DAW1: variants seen among roughly 807,000 people sequenced by gnomAD.
The protein encoded by DAW1 is dynein assembly factor with WD repeat domains 1.
A neutral mutation model predicts 56.5 loss-of-function variants in DAW1; 47 were observed. The observed-to-expected ratio is 0.83, with a 90% confidence interval of 0.66 to 1.06. DAW1 has a LOEUF of 1.06. DAW1 is among the 50% of genes least tolerant of loss of function. DAW1 has a pLI of 0.00. For missense variants in DAW1, 505 were observed against 499.3 expected, an observed-to-expected ratio of 1.01 and a Z score of -0.11; for synonymous variants, 190 against 179.0, an observed-to-expected ratio of 1.06 and a Z score of -0.49.
At chr2:227,876,575 C>T in intron 1 of DAW1, 1 of 1,157,062 alleles carries the variant, frequency 8.6e-7, no homozygotes, top group Non-Finnish European at 1.1e-6. Flanking sequence ...ATCCCTTCTG[C>T]ATATAGAGCA....
At chr2:227,911,482 G>C (rs1269007896) in intron 10 of DAW1, among the ~76,000 whole-genome samples, 1 of 151,070 alleles carries the variant, frequency 6.6e-6, no homozygotes, top group Non-Finnish European at 1.5e-5. Flanking sequence ...GACATACTGT[G>C]TGTTTGCTGC....
chr2:227,883,082 T>A (rs935889813), intron 1 of DAW1, among the ~76,000 whole-genome samples: 26 of 152,336 alleles, frequency 1.7e-4, no homozygotes, highest in African/African-American at 6.0e-4. Flanking sequence ...CATTTTTACT[T>A]GAAAGAGTGA....
intron 12 of DAW1, among the ~76,000 whole-genome samples, chr2:227,922,720 G>C (rs1421483223): frequency 6.6e-6 from 1 of 152,182 alleles, no homozygotes; most frequent in Non-Finnish European, 1.5e-5. Flanking sequence ...CTTAATGATG[G>C]ACAGTTTCCG....
At chr2:227,900,003 A>G (rs1248315503) in intron 6 of DAW1, among the ~76,000 whole-genome samples, 2 of 152,246 alleles carry the variant, frequency 1.3e-5, no homozygotes, top group Admixed American at 1.3e-4. Context: ...ATATTCATCC[A>G]TAAAGAACTC....
chr2:227,906,018 G>A (rs1262155033), intron 8 of DAW1, among the ~76,000 whole-genome samples: 2 of 152,180 alleles, frequency 1.3e-5, no homozygotes, highest in Non-Finnish European at 1.5e-5. Context: ...GCCTCACAGA[G>A]TGCTGGGGTT....
Position 227,913,824 on chromosome 2 carries a change from G to A in DAW1, c.974-4956G>A, listed in dbSNP as rs569699786. ...TCTCTGTCATCTCCCTGATCATCAT[G>A]TATGACATTACAACATGTCTACACC... On this transcript the variant is annotated intron_variant, in intron 10 of 12. Coordinates refer to ENST00000309931, the MANE Select transcript of DAW1 (RefSeq NM_178821.3). Among the ~76,000 whole-genome samples the A allele has an allele frequency of 2.6e-5, 4 of 151,904 alleles. 1 individual carries two copies. Among genetic ancestry groups the A allele is most frequent in the African/African-American group, 7.2e-5 (3 of 41,424 alleles).
chr2:227,923,758 A>G (rs1692161807), intron 12 of DAW1, among the ~76,000 whole-genome samples, 176 bp from the exon 13 acceptor site: 1 of 151,756 alleles, frequency 6.6e-6, no homozygotes, highest in Non-Finnish European at 1.5e-5. Flanking sequence ...AAAAAAAAAA[A>G]TCACTACTTT....
chr2:227,901,171 G>T (rs942030815), intron 6 of DAW1, among the ~76,000 whole-genome samples: 3 of 152,206 alleles, frequency 2.0e-5, no homozygotes, highest in African/African-American at 7.2e-5. Context: ...TGTAAAGATA[G>T]ATGAAGAGAA....
At chr2:227,886,318 G>A (rs995445355) in intron 2 of DAW1, among the ~76,000 whole-genome samples, 1 of 152,142 alleles carries the variant, frequency 6.6e-6, no homozygotes, top group African/African-American at 2.4e-5. Flanking sequence ...ATTCTCTTTA[G>A]TAAATCTAAT....
intron 1 of DAW1, among the ~76,000 whole-genome samples, chr2:227,874,702 T>C (rs1690836857): frequency 6.6e-6 from 1 of 152,166 alleles, no homozygotes; most frequent in Non-Finnish European, 1.5e-5. Context: ...TCATACACTA[T>C]GCAATCTCAT....
Position 227,891,304 on chromosome 2 carries a change from C to A in DAW1, c.308C>A (p.Ser103Ter), listed in dbSNP as rs199504696. 3.7e-6 allele frequency: 6 copies of A among 1,613,030 alleles called. No homozygotes were observed. Among genetic ancestry groups the A allele is most frequent in the Non-Finnish European group, 4.2e-6 (5 of 1,179,630 alleles). ...CTGACTAATGTTGCACTTAACAAAT[C>A]GGGCTCATGGTAAGATTCTCTTTTT... ...LPLTNVALNKSGSCFITGSYD... is the reference protein window; with the variant it reads ...LPLTNVALNK Residue 103 changes from serine to a stop codon, truncating the protein, a stop_gained, in exon 4 of 13, where the codon TCG becomes TAG. Coordinates refer to ENST00000309931, the MANE Select transcript of DAW1 (RefSeq NM_178821.3). LOFTEE classifies it high-confidence loss of function.
At position 227,923,789 on chromosome 2, in the gene DAW1, G is replaced by C. The variant is rs989810144; in HGVS notation, c.1214-145G>C. On this transcript the variant is annotated intron_variant, in intron 12 of 12. Coordinates refer to ENST00000309931, the MANE Select transcript of DAW1 (RefSeq NM_178821.3). ...ACTTTAAAAATGCCTGAGCTGCTCA[G>C]AGACTCTGCAGCTAGGCGCGGAGAA... 20 of 884,208 alleles carry C rather than the reference G, an allele frequency of 2.3e-5. No homozygotes were observed. In the South Asian group the frequency reaches 3.0e-4, roughly 13 times the overall value. The allele number at this position is 884,208 out of a possible 1,614,324, so 54.8% of individuals were successfully genotyped here.
chr2:227,911,935 A>G (rs372065042), intron 10 of DAW1, among the ~76,000 whole-genome samples: 1 of 152,138 alleles, frequency 6.6e-6, no homozygotes, highest in East Asian at 1.9e-4. Context: ...TACATTACAT[A>G]TGTGCCATCT....
rs546015293 is a variant in DAW1 at position 227,871,793 on chromosome 2, TG to T, written c.40+68del. The T allele has an allele frequency of 4.4e-5, 71 of 1,603,264 alleles. No individual in the cohort carries two copies. In the East Asian group the frequency reaches 1.5e-3, roughly 34 times the overall value. ...CCTGGGCTCCCAGACTGGGAGGGTTTGGGGCGGAGGAGGGCGCAGCCACTGA... is the reference window on the plus strand; with the variant it reads ...CCTGGGCTCCCAGACTGGGAGGGTTTGGGCGGAGGAGGGCGCAGCCACTGA... On this transcript the variant is annotated intron_variant, in intron 1 of 12. Coordinates refer to ENST00000309931, the MANE Select transcript of DAW1 (RefSeq NM_178821.3).
At chr2:227,917,602 T>C (rs565051801) in intron 10 of DAW1, among the ~76,000 whole-genome samples, 15 of 152,148 alleles carry the variant, frequency 9.9e-5, no homozygotes, top group Non-Finnish European at 1.5e-4. Context: ...TGTAAAAAAA[T>C]TACAGTGTTG....
At chr2:227,885,801 C>T (rs899510874) in intron 2 of DAW1, among the ~76,000 whole-genome samples, 2 of 152,052 alleles carry the variant, frequency 1.3e-5, no homozygotes, top group African/African-American at 4.8e-5. Flanking sequence ...TTAGCTAAGG[C>T]CCACTTTATT....
At chr2:227,907,603 A>T (rs1204214600) in intron 10 of DAW1, among the ~76,000 whole-genome samples, 1 of 152,176 alleles carries the variant, frequency 6.6e-6, no homozygotes, top group Non-Finnish European at 1.5e-5. Context: ...GCTGCAGTGC[A>T]GTGGTGCGAT....
At chr2:227,885,001 G>A (rs2106190487) in intron 1 of DAW1, among the ~76,000 whole-genome samples, 1 of 152,248 alleles carries the variant, frequency 6.6e-6, no homozygotes, top group South Asian at 2.1e-4. Context: ...TCTTGTCCTA[G>A]TTTTGGGGTG....
chr2:227,918,644 C>G (rs1692030661), intron 10 of DAW1, 136 bp from the exon 11 acceptor site: 7 of 921,886 alleles, frequency 7.6e-6, no homozygotes, highest in African/African-American at 3.3e-5. Context: ...GTATCTGGCT[C>G]TCAACACAGG....
Sources: allele counts gnomAD v4.1 joint callset (sites outside exome capture counted in the v4.1 genomes callset), GRCh38; gene constraint gnomAD v4.1.1; transcripts MANE v1.5; gene names NCBI Gene and HGNC (gene_info 2026-07-23, HGNC 2026-07-21).